TYW1B: variants seen among roughly 807,000 people sequenced by gnomAD.
The protein encoded by TYW1B is tRNA-yW synthesizing protein 1 homolog B, also known as S-adenosyl-L-methionine-dependent tRNA 4-demethylwyosine synthase TYW1B.
In TYW1B, 73 loss-of-function variants were observed where a neutral mutation model predicts 86.9. The ratio of observed to expected loss-of-function variants is 0.84; its 90% CI spans 0.70 to 1.02. The LOEUF is 1.02. Among genes scored for constraint, TYW1B ranks in the 50% least tolerant of loss-of-function variants. The pLI, the probability that TYW1B is intolerant of heterozygous loss-of-function variation, is 0.00. For synonymous variants in TYW1B, 248 were observed against 292.8 expected (o/e 0.85, Z 1.56); for missense variants, 637 against 827.4 (o/e 0.77, Z 2.82).
chr7:72,578,945 G>A (rs1162574264), intron 13 of TYW1B, among the ~76,000 whole-genome samples: 2 of 151,954 alleles, frequency 1.3e-5, no homozygotes, highest in Admixed American at 6.6e-5. Context: ...TGACCCCTCT[G>A]GTTCATAATC....
At chr7:72,784,457 TTGAG>T (rs1360074928) in intron 6 of TYW1B, among the ~76,000 whole-genome samples, 1 of 152,186 alleles carries the variant, frequency 6.6e-6, no homozygotes, top group African/African-American at 2.4e-5. Flanking sequence ...ACTGTGAGGA[TTGAG>T]TGAGATAATC....
intron 9 of TYW1B, among the ~76,000 whole-genome samples, chr7:72,714,012 C>T (rs1786728995): frequency 6.7e-6 from 1 of 149,786 alleles, no homozygotes; most frequent in Non-Finnish European, 1.5e-5. Flanking sequence ...TAAACTACAT[C>T]AATACAAGCA....
At chr7:72,778,402 A>T (rs1217697942) in intron 6 of TYW1B, among the ~76,000 whole-genome samples, 2 of 152,230 alleles carry the variant, frequency 1.3e-5, no homozygotes, top group Non-Finnish European at 2.9e-5. Flanking sequence ...ATCAGCTCAG[A>T]GACCAAGTTA....
intron 13 of TYW1B, among the ~76,000 whole-genome samples, chr7:72,595,850 C>A (rs1811518317): frequency 6.6e-6 from 1 of 151,582 alleles, no homozygotes; most frequent in Admixed American, 6.6e-5. Flanking sequence ...GAAATACATC[C>A]CATGTTCATG....
chr7:72,637,248 C>G (rs1554440896), intron 11 of TYW1B, among the ~76,000 whole-genome samples: 2 of 151,804 alleles, frequency 1.3e-5, no homozygotes, highest in Non-Finnish European at 2.9e-5. Flanking sequence ...TGGTATAATT[C>G]AACGATGAAA....
At position 72,785,194 on chromosome 7, in the gene TYW1B, G is replaced by A. The variant is rs1391060872; in HGVS notation, c.847-7661C>T. The stretch of plus-strand genomic sequence containing the variant: ...GTCTTAGATAGTACTACAGAGAGAG[G>A]GAGGTAGAATACCAAGGTGGTGTTT... On this transcript the variant is annotated intron_variant, in intron 6 of 13. Coordinates refer to ENST00000620995, the MANE Select transcript of TYW1B (RefSeq NM_001145440.3). Among the ~76,000 whole-genome samples, 8 of 151,808 alleles carry A rather than the reference G, an allele frequency of 5.3e-5. 1 individual carries two copies. Among genetic ancestry groups the A allele is most frequent in the African/African-American group, 1.2e-4 (5 of 41,354 alleles).
At chr7:72,766,437 A>C (rs1787770725) in intron 7 of TYW1B, among the ~76,000 whole-genome samples, 1 of 151,630 alleles carries the variant, frequency 6.6e-6, no homozygotes, top group African/African-American at 2.4e-5. Flanking sequence ...AACGTGGCAA[A>C]ACCCTGTCTC....
chr7:72,667,654 A>G (rs1420774989), intron 11 of TYW1B, among the ~76,000 whole-genome samples: 1 of 152,204 alleles, frequency 6.6e-6, no homozygotes, highest in African/African-American at 2.4e-5. Context: ...TGGAGGCTGC[A>G]GTGAGCTGAG....
Position 72,713,654 on chromosome 7 carries a change from A to G in TYW1B, c.1337T>C (p.Leu446Pro). The change falls in exon 10 of 14, where the codon CTG (leucine) becomes CCG (proline). Residue 446 changes from leucine (L) to proline (P), a missense_variant. Coordinates refer to ENST00000620995, the MANE Select transcript of TYW1B (RefSeq NM_001145440.3). ...CGCAGGAAATTGTGCATTTGTGACC[A>G]GGAAGCTGGAGATTTTACACTGGTG... ...LLHQCKISSF[L>P]VTNAQFPAEI... The G allele has an allele frequency of 6.2e-7, 1 of 1,614,122 alleles. No homozygotes were observed. Among genetic ancestry groups the G allele is most frequent in the Non-Finnish European group, 8.5e-7 (1 of 1,180,014 alleles).
chr7:72,730,872 G>A (rs1554459760), intron 8 of TYW1B, among the ~76,000 whole-genome samples: 1 of 150,978 alleles, frequency 6.6e-6, no homozygotes, highest in Non-Finnish European at 1.5e-5. Context: ...CCACATTTTG[G>A]GAGAGATATG....
At chr7:72,681,591 C>CTTTTTTTTTTTTTT (rs71069098) in intron 11 of TYW1B, among the ~76,000 whole-genome samples, 1 of 111,026 alleles carries the variant, frequency 9.0e-6, no homozygotes, top group Non-Finnish European at 1.8e-5. Context: ...ATATTTACTT[C>CTTTTTTTTTTTTTT]TTTTTTTTTT....
At chr7:72,592,889 T>A (rs1554431772) in intron 13 of TYW1B, among the ~76,000 whole-genome samples, 1 of 152,136 alleles carries the variant, frequency 6.6e-6, no homozygotes, top group African/African-American at 2.4e-5. Flanking sequence ...ATAATCAACA[T>A]ATACAAAGCA....
At chr7:72,625,339 C>T (rs1346142196) in intron 12 of TYW1B, among the ~76,000 whole-genome samples, 1 of 152,096 alleles carries the variant, frequency 6.6e-6, no homozygotes, top group Non-Finnish European at 1.5e-5. Flanking sequence ...CTTAGCTAGG[C>T]CAGGTGCAGT....
intron 5 of TYW1B, among the ~76,000 whole-genome samples, chr7:72,804,707 G>A (rs1427814847): frequency 6.6e-6 from 1 of 152,218 alleles, no homozygotes; most frequent in East Asian, 1.9e-4. Flanking sequence ...GGGCATGATG[G>A]TGCATGCCTG....
At chr7:72,721,982 A>G (rs1270964485) in intron 9 of TYW1B, among the ~76,000 whole-genome samples, 1 of 152,186 alleles carries the variant, frequency 6.6e-6, no homozygotes, top group Non-Finnish European at 1.5e-5. Flanking sequence ...TCCTATTTCT[A>G]AAGTTTGGGC....
intron 6 of TYW1B, among the ~76,000 whole-genome samples, chr7:72,799,592 A>G (rs560783642): frequency 5.9e-5 from 9 of 152,084 alleles, no homozygotes; most frequent in African/African-American, 2.2e-4. Context: ...CAGCCTCCCA[A>G]GTAGCTGGGA....
intron 11 of TYW1B, among the ~76,000 whole-genome samples, chr7:72,677,582 T>A (rs1813764073): frequency 6.6e-6 from 1 of 152,234 alleles, no homozygotes; most frequent in Non-Finnish European, 1.5e-5. Context: ...GAAAAATGGC[T>A]ACCTGTATCT....
chr7:72,679,131 CA>C (rs1813809720), intron 11 of TYW1B, among the ~76,000 whole-genome samples: 4 of 152,080 alleles, frequency 2.6e-5, no homozygotes, highest in African/African-American at 9.7e-5. Context: ...CAACAACTAA[CA>C]AGACCAAGTA....
At chr7:72,609,977 T>C (rs1319234588) in intron 13 of TYW1B, among the ~76,000 whole-genome samples, 1 of 152,054 alleles carries the variant, frequency 6.6e-6, no homozygotes, top group Non-Finnish European at 1.5e-5. Context: ...CACTGAAGGG[T>C]ATCTTGAATT....
Sources: allele counts gnomAD v4.1 joint callset (sites outside exome capture counted in the v4.1 genomes callset), GRCh38; gene constraint gnomAD v4.1.1; transcripts MANE v1.5; gene names NCBI Gene and HGNC (gene_info 2026-07-23, HGNC 2026-07-21).